MTHFD2L: variants seen among roughly 807,000 people sequenced by gnomAD.
MTHFD2L encodes bifunctional methylenetetrahydrofolate dehydrogenase/cyclohydrolase 2, mitochondrial.
A neutral mutation model predicts 34.9 loss-of-function variants in MTHFD2L; 29 were observed. The ratio of observed to expected loss-of-function variants is 0.83; its 90% CI spans 0.62 to 1.13. The LOEUF (loss-of-function observed/expected upper bound fraction) is 1.13. MTHFD2L is among the 50% of genes most tolerant of loss of function. The pLI is 0.00. For missense variants in MTHFD2L, 481 were observed against 446.5 expected (o/e 1.08, Z -0.70); for synonymous variants, 167 against 155.7 (o/e 1.07, Z -0.54).
At chr4:74,288,770 G>T (rs969001977) in intron 7 of MTHFD2L, among the ~76,000 whole-genome samples, 2 of 152,112 alleles carry the variant, frequency 1.3e-5, no homozygotes, top group Non-Finnish European at 2.9e-5. Flanking sequence ...ACACAGATTT[G>T]CAATAACATT....
chr4:74,160,236 A>G, intron 1 of MTHFD2L: 1 of 484,694 alleles, frequency 2.1e-6, no homozygotes, highest in African/African-American at 2.0e-5. Context: ...CCTTAGTGTT[A>G]TTCTCACTGA....
At chr4:74,143,778 C>T (rs1723422910) in intron 1 of MTHFD2L, among the ~76,000 whole-genome samples, 1 of 152,028 alleles carries the variant, frequency 6.6e-6, no homozygotes, top group Non-Finnish European at 1.5e-5. Context: ...AGAAGAATAT[C>T]TTAATATTGT....
rs553313460 is a variant in MTHFD2L, at chr4:74,242,832, T to C, written c.805+17438T>C. Among the ~76,000 whole-genome samples, 9 of 152,344 alleles carry C rather than the reference T, an allele frequency of 5.9e-5. No individual in the cohort carries two copies. In the East Asian group the frequency reaches 1.7e-3, roughly 29 times the overall value. Reference sequence around the variant, plus strand: ...ATGTCTCTTTTCCTTGGCAGTACTTTTTGATAGAACTGAAAGGGCATATTT... The same window carrying C: ...ATGTCTCTTTTCCTTGGCAGTACTTCTTGATAGAACTGAAAGGGCATATTT... On this transcript the variant is annotated intron_variant, in intron 6 of 7. Transcript: ENST00000325278.
upstream of MTHFD2L, among the ~76,000 whole-genome samples, chr4:74,118,748 C>A (rs1721698273): frequency 6.6e-6 from 1 of 152,168 alleles, no homozygotes; most frequent in Admixed American, 6.5e-5. Context: ...TGCCACACAG[C>A]AGGAGGTGAG....
At chr4:74,273,345 A>C (rs1746231533) in intron 6 of MTHFD2L, among the ~76,000 whole-genome samples, 1 of 152,054 alleles carries the variant, frequency 6.6e-6, no homozygotes, top group Non-Finnish European at 1.5e-5. Flanking sequence ...CTCTGGGAGA[A>C]GAAGAATAAT....
intron 7 of MTHFD2L, among the ~76,000 whole-genome samples, chr4:74,283,012 A>G (rs1193957817): frequency 6.6e-6 from 1 of 151,960 alleles, no homozygotes; most frequent in Non-Finnish European, 1.5e-5. Context: ...TGGCTTATTT[A>G]TTTTCTTTAC....
intron 3 of MTHFD2L, among the ~76,000 whole-genome samples, chr4:74,186,468 A>G (rs1247733410): frequency 2.7e-5 from 4 of 148,390 alleles, no homozygotes; most frequent in Non-Finnish European, 1.5e-5. Context: ...AACAGCTACT[A>G]GTACTAATAA....
intron 6 of MTHFD2L, among the ~76,000 whole-genome samples, chr4:74,247,840 A>G (rs995316409): frequency 3.9e-5 from 6 of 152,142 alleles, no homozygotes; most frequent in African/African-American, 1.2e-4. Context: ...CCACTTGATC[A>G]TGGTGGATAA....
chr4:74,275,913 T>C (rs1209596681), intron 6 of MTHFD2L, among the ~76,000 whole-genome samples: 1 of 152,212 alleles, frequency 6.6e-6, no homozygotes, highest in Non-Finnish European at 1.5e-5. Context: ...TTCACTCTGA[T>C]GATAGTTTCT....
At chr4:74,172,239 A>G (rs1446891855) in intron 1 of MTHFD2L, among the ~76,000 whole-genome samples, 6 of 152,196 alleles carry the variant, frequency 3.9e-5, no homozygotes, top group Non-Finnish European at 7.3e-5. Flanking sequence ...TTTGGGAATG[A>G]TAGACATGTT....
At chr4:74,248,419 T>A (rs1742804964) in intron 6 of MTHFD2L, among the ~76,000 whole-genome samples, 1 of 152,150 alleles carries the variant, frequency 6.6e-6, no homozygotes, top group Admixed American at 6.5e-5. Context: ...TGTTGATCCT[T>A]TCAAAAAACC....
At chr4:74,118,834 C>T (rs1488707997), upstream of MTHFD2L, among the ~76,000 whole-genome samples, 1 of 152,200 alleles carries the variant, frequency 6.6e-6, no homozygotes, top group African/African-American at 2.4e-5. Flanking sequence ...TGAGCTCTGC[C>T]TCCTGTCGGA....
intron 5 of MTHFD2L, 116 bp downstream of exon 5, chr4:74,201,486 G>A: frequency 1.7e-6 from 1 of 603,152 alleles, no homozygotes; most frequent in Middle Eastern, 3.8e-4. Context: ...GCAGTTCAAA[G>A]TCTCCTTTAT....
upstream of MTHFD2L, among the ~76,000 whole-genome samples, chr4:74,118,545 A>G (rs949168091): frequency 3.0e-4 from 46 of 152,216 alleles, no homozygotes; most frequent in African/African-American, 1.1e-3. Flanking sequence ...TGTATTTAGA[A>G]ATAGGGCCTT....
At chr4:74,201,460 A>G (rs1303114149) in intron 5 of MTHFD2L, 90 bp downstream of exon 5, 11 of 928,794 alleles carry the variant, frequency 1.2e-5, no homozygotes, top group Admixed American at 2.4e-5. Flanking sequence ...GCAGCTTATT[A>G]TATTTGTGGG....
At chr4:74,124,342 G>T (rs1721928015), upstream of MTHFD2L, among the ~76,000 whole-genome samples, 1 of 151,604 alleles carries the variant, frequency 6.6e-6, no homozygotes, top group African/African-American at 2.4e-5. Context: ...CTTTCTGAAG[G>T]TGATATATCT....
chr4:74,139,067 T>C (rs1723130110), intron 1 of MTHFD2L, among the ~76,000 whole-genome samples: 2 of 152,230 alleles, frequency 1.3e-5, no homozygotes, highest in African/African-American at 4.8e-5. Context: ...CAGCTAGTCC[T>C]GTCTCTCAGC....
chr4:74,172,104 T>C (rs1430891849), intron 1 of MTHFD2L, among the ~76,000 whole-genome samples: 1 of 152,198 alleles, frequency 6.6e-6, no homozygotes, highest in Non-Finnish European at 1.5e-5. Flanking sequence ...TATAAAATTA[T>C]TCATAATACA....
intron 3 of MTHFD2L, among the ~76,000 whole-genome samples, chr4:74,175,849 A>C (rs1372884401): frequency 1.3e-5 from 2 of 152,132 alleles, no homozygotes; most frequent in African/African-American, 4.8e-5. Flanking sequence ...AAAACATTAG[A>C]AACATTGAGA....
Sources: gnomAD v4.1 joint callset for allele counts (sites outside exome capture counted in the v4.1 genomes callset) on GRCh38, gnomAD v4.1.1 for gene constraint, MANE v1.5 for transcripts, NCBI Gene and HGNC (gene_info 2026-07-23, HGNC 2026-07-21) for gene names.